GPHN: variants seen among roughly 807,000 people sequenced by gnomAD.
The protein encoded by GPHN is gephyrin.
GPHN carries 17 observed loss-of-function variants against 95.5 expected under a neutral mutation model. That is an observed-to-expected ratio of 0.18 (90% CI 0.12 to 0.27). GPHN has a LOEUF of 0.27. GPHN is among the 10% of genes least tolerant of loss of function. GPHN has a pLI of 1.00. For missense variants in GPHN, 660 were observed against 978.1 expected, an observed-to-expected ratio of 0.67 and a Z score of 4.34; for synonymous variants, 320 against 322.5, an observed-to-expected ratio of 0.99 and a Z score of 0.08.
intron 1 of GPHN, among the ~76,000 whole-genome samples, chr14:66,584,341 A>G (rs1290588328): frequency 2.0e-5 from 3 of 152,132 alleles, no homozygotes; most frequent in Admixed American, 6.6e-5. Flanking sequence ...AAACAGGGAC[A>G]ATTTGACTTC....
At chr14:66,673,063 A>G (rs1291172099) in intron 1 of GPHN, among the ~76,000 whole-genome samples, 1 of 151,906 alleles carries the variant, frequency 6.6e-6, no homozygotes, top group East Asian at 1.9e-4. Flanking sequence ...TTGTCATAGC[A>G]TTATCAGTTA....
intron 2 of GPHN, among the ~76,000 whole-genome samples, chr14:66,708,672 G>T (rs1051062099): frequency 1.3e-5 from 2 of 152,124 alleles, no homozygotes; most frequent in African/African-American, 2.4e-5. Flanking sequence ...GAGATTGCCA[G>T]ATTTGCTTGG....
chr14:67,457,213 C>T, the GPHN span, among the ~76,000 whole-genome samples: 9 of 152,268 alleles, frequency 5.9e-5, no homozygotes, highest in South Asian at 8.3e-4. Context: ...ATAATCTATA[C>T]GCCAAACCCT....
chr14:67,039,667 G>A (rs1253961228), intron 10 of GPHN, among the ~76,000 whole-genome samples: 1 of 152,094 alleles, frequency 6.6e-6, no homozygotes, highest in East Asian at 1.9e-4. Flanking sequence ...GGTGGCACAT[G>A]CTGTAGTCTC....
At chr14:66,991,880 A>T (rs1001310257) in intron 9 of GPHN, among the ~76,000 whole-genome samples, 2 of 151,430 alleles carry the variant, frequency 1.3e-5, no homozygotes, top group African/African-American at 4.8e-5. Context: ...TAAAAAAAAA[A>T]AAAAAAAGAA....
At chr14:67,318,362 G>A in the GPHN span, among the ~76,000 whole-genome samples, 2 of 152,120 alleles carry the variant, frequency 1.3e-5, no homozygotes, top group African/African-American at 2.4e-5. Context: ...CTAATTGACA[G>A]ATTATGTAAC....
At chr14:67,597,090 ATTT>A in the GPHN span, among the ~76,000 whole-genome samples, 1 of 152,218 alleles carries the variant, frequency 6.6e-6, no homozygotes, top group Non-Finnish European at 1.5e-5. Context: ...GCAAAGAATG[ATTT>A]TTAAGTTTTT....
At chr14:67,327,533 A>C in the GPHN span, among the ~76,000 whole-genome samples, 1 of 151,482 alleles carries the variant, frequency 6.6e-6, no homozygotes, top group Non-Finnish European at 1.5e-5. Flanking sequence ...GTACATGTGC[A>C]CAACATGCAG....
At chr14:66,759,144 T>G (rs1399717892) in intron 2 of GPHN, among the ~76,000 whole-genome samples, 2 of 152,208 alleles carry the variant, frequency 1.3e-5, no homozygotes, top group African/African-American at 4.8e-5. Flanking sequence ...ACAAGGAATC[T>G]CAGATAAGAC....
chr14:66,932,458 T>TGTTTTTG (rs1330572019), intron 8 of GPHN, among the ~76,000 whole-genome samples: 2 of 123,618 alleles, frequency 1.6e-5, no homozygotes, highest in Admixed American at 8.3e-5. Context: ...TTTTTTTTTT[T>TGTTTTTG]TTTTTTTTTT....
chr14:67,254,941 G>A, the GPHN span, among the ~76,000 whole-genome samples: 4 of 152,214 alleles, frequency 2.6e-5, no homozygotes, highest in African/African-American at 9.6e-5. Context: ...ACGAGGTCAA[G>A]AGATTGAGAC....
At chr14:66,764,073 T>C (rs563166180) in intron 2 of GPHN, among the ~76,000 whole-genome samples, 7 of 152,168 alleles carry the variant, frequency 4.6e-5, no homozygotes, top group Admixed American at 1.3e-4. Context: ...ATTATTGCAT[T>C]ATATATTACA....
the GPHN span, among the ~76,000 whole-genome samples, chr14:67,198,567 C>T: frequency 6.6e-6 from 1 of 152,214 alleles, no homozygotes; most frequent in Non-Finnish European, 1.5e-5. Context: ...GCCATTCCAT[C>T]ATAATCTTCC....
At chr14:66,736,519 C>T (rs2072295793) in intron 2 of GPHN, among the ~76,000 whole-genome samples, 1 of 151,582 alleles carries the variant, frequency 6.6e-6, no homozygotes, top group African/African-American at 2.4e-5. Context: ...CTGCCTCAGC[C>T]TCCTGAGTAG....
the GPHN span, among the ~76,000 whole-genome samples, chr14:67,527,665 C>T: frequency 1.7e-4 from 26 of 152,304 alleles, no homozygotes; most frequent in Non-Finnish European, 2.2e-4. Context: ...TGTTTTGTAC[C>T]GCAGCAGCCC....
At chr14:67,185,058 C>G (rs1298256359), downstream of GPHN, among the ~76,000 whole-genome samples, 1 of 152,090 alleles carries the variant, frequency 6.6e-6, no homozygotes, top group African/African-American at 2.4e-5. Flanking sequence ...CTTAAGAGTG[C>G]AATTTTAGTA....
chr14:67,313,819 A>T, the GPHN span, among the ~76,000 whole-genome samples: 17 of 151,894 alleles, frequency 1.1e-4, no homozygotes, highest in Non-Finnish European at 2.2e-4. Context: ...TATTTTCATG[A>T]TATTGTCTCT....
chr14:66,711,939 C>A (rs1386032861), intron 2 of GPHN, among the ~76,000 whole-genome samples: 1 of 152,120 alleles, frequency 6.6e-6, no homozygotes, highest in African/African-American at 2.4e-5. Flanking sequence ...TTTATGGCTG[C>A]ATAGTATTCC....
chr14:67,001,264 T>C (rs2072206075), intron 9 of GPHN, among the ~76,000 whole-genome samples: 1 of 151,610 alleles, frequency 6.6e-6, no homozygotes, highest in South Asian at 2.1e-4. Flanking sequence ...ATCATGATGT[T>C]CTAAATTTTC....
Sources: allele counts gnomAD v4.1 joint callset (sites outside exome capture counted in the v4.1 genomes callset), GRCh38; gene constraint gnomAD v4.1.1; transcripts MANE v1.5; gene names NCBI Gene and HGNC (gene_info 2026-07-23, HGNC 2026-07-21).